The following AP3B1 variants were observed in gnomAD, a reference collection of about 807,000 sequenced individuals.
The protein encoded by AP3B1 is AP-3 complex subunit beta-1.
A neutral mutation model predicts 132.5 loss-of-function variants in AP3B1; 61 were observed. That is an observed-to-expected ratio of 0.46 (90% CI 0.37 to 0.57). The LOEUF (loss-of-function observed/expected upper bound fraction) is 0.57. Among genes scored for constraint, AP3B1 ranks in the 20% least tolerant of loss-of-function variants. The pLI is 0.00. For missense variants in AP3B1, 1,120 were observed against 1,289.4 expected (o/e 0.87, Z 2.01); for synonymous variants, 388 against 438.3 (o/e 0.89, Z 1.43).
At chr5:78,056,183 C>CATG (rs1450381905) in intron 22 of AP3B1, among the ~76,000 whole-genome samples, 1 of 152,162 alleles carries the variant, frequency 6.6e-6, no homozygotes, top group East Asian at 1.9e-4. Flanking sequence ...CAGGAAACTG[C>CATG]ATGGGGTATG....
intron 1 of AP3B1, among the ~76,000 whole-genome samples, chr5:78,294,217 T>C (rs1749654806): frequency 6.6e-6 from 1 of 152,184 alleles, no homozygotes; most frequent in African/African-American, 2.4e-5. Context: ...AGTGGTTTCC[T>C]TTTCACTAAA....
chr5:78,026,916 T>C (rs189827159), intron 24 of AP3B1, among the ~76,000 whole-genome samples: 177 of 152,322 alleles, frequency 1.2e-3, no homozygotes, highest in African/African-American at 3.9e-3. Flanking sequence ...TTGCATTTAT[T>C]TTCTTGTAAA....
chr5:78,035,456 T>G (rs1244911356), intron 23 of AP3B1, among the ~76,000 whole-genome samples: 1 of 152,044 alleles, frequency 6.6e-6, no homozygotes, highest in East Asian at 1.9e-4. Flanking sequence ...GTGACTATTC[T>G]AGGGCTTCTT....
At position 78,248,441 on chromosome 5, in the gene AP3B1, C is replaced by G. The variant is rs542413445; in HGVS notation, c.205-7505G>C. Among the ~76,000 whole-genome samples the G allele has an allele frequency of 2.1e-5, 3 of 141,376 alleles. No individual in the cohort carries two copies. In the East Asian group the frequency reaches 6.4e-4, roughly 30 times the overall value. 92.7% of individuals were successfully genotyped at this position (141,376 alleles called of 152,430 possible). Reference sequence around the variant, plus strand: ...CCAGGAGGCAGAGGTTGCAGTGAGCCGAGATCACACCACTACACTCCAGCC... The same window carrying G: ...CCAGGAGGCAGAGGTTGCAGTGAGCGGAGATCACACCACTACACTCCAGCC... On this transcript the variant is annotated intron_variant, in intron 2 of 26. Transcript: ENST00000255194.
At chr5:78,285,872 C>T (rs755618720) in intron 1 of AP3B1, among the ~76,000 whole-genome samples, 4 of 152,170 alleles carry the variant, frequency 2.6e-5, no homozygotes, top group African/African-American at 7.2e-5. Context: ...TACCACCAAT[C>T]GGATCACCTT....
At chr5:78,124,147 A>G (rs1752359660) in intron 17 of AP3B1, among the ~76,000 whole-genome samples, 2 of 152,162 alleles carry the variant, frequency 1.3e-5, no homozygotes, top group South Asian at 4.1e-4. Flanking sequence ...GAAATGAACA[A>G]TGAGAACACA....
At chr5:78,253,131 C>T (rs1428136051) in intron 2 of AP3B1, among the ~76,000 whole-genome samples, 3 of 152,256 alleles carry the variant, frequency 2.0e-5, no homozygotes, top group African/African-American at 7.2e-5. Flanking sequence ...ACCATCTAGG[C>T]AGTACCTCTA....
chr5:78,227,956 T>C (rs181178463), intron 4 of AP3B1, among the ~76,000 whole-genome samples, 188 bp downstream of exon 4: 2 of 152,064 alleles, frequency 1.3e-5, no homozygotes, highest in Non-Finnish European at 2.9e-5. Context: ...CTGTAACATA[T>C]ACAGCAAGGT....
chr5:78,225,987 C>T (rs6864958), intron 5 of AP3B1, among the ~76,000 whole-genome samples: 1 of 151,724 alleles, frequency 6.6e-6, no homozygotes, highest in East Asian at 1.9e-4. Context: ...ATACATACTT[C>T]CCAAAAACAA....
Position 78,128,102 on chromosome 5 carries a change from C to T in AP3B1, c.1896G>A (p.Gly632=). The T allele has an allele frequency of 6.2e-7, 1 of 1,612,972 alleles. No homozygotes were observed. ...LSHTLNIKAT[G]YLELSNWPEV... ...CTGGCCAATTAGATAATTCCAGGTACCCAGTAGCTTTAATGTTGAGAGTAT... is the reference window on the plus strand; with the variant it reads ...CTGGCCAATTAGATAATTCCAGGTATCCAGTAGCTTTAATGTTGAGAGTAT... Residue 632 remains glycine (G), a synonymous_variant, in exon 17 of 27, where the codon GGG becomes GGA. Transcript: ENST00000255194.
intron 2 of AP3B1, among the ~76,000 whole-genome samples, chr5:78,241,364 G>T (rs555104203): frequency 6.6e-6 from 1 of 151,838 alleles, no homozygotes; most frequent in Non-Finnish European, 1.5e-5. Context: ...GCTAATTTTC[G>T]AATTTTTTTG....
At chr5:78,193,752 A>ATATCTATATATATATATATC (rs1744951641) in intron 7 of AP3B1, among the ~76,000 whole-genome samples, 1 of 118,658 alleles carries the variant, frequency 8.4e-6, no homozygotes, top group South Asian at 2.6e-4. Flanking sequence ...TTTTATATAT[A>ATATCTATATATATATATATC]TATATATATA....
At chr5:78,069,792 A>G (rs1470630567) in intron 22 of AP3B1, among the ~76,000 whole-genome samples, 1 of 152,212 alleles carries the variant, frequency 6.6e-6, no homozygotes, top group Non-Finnish European at 1.5e-5. Context: ...CGTATAGCCA[A>G]GACAATCCTA....
intron 22 of AP3B1, among the ~76,000 whole-genome samples, chr5:78,086,609 C>T (rs1580327627): frequency 6.6e-6 from 1 of 152,070 alleles, no homozygotes; most frequent in East Asian, 1.9e-4. Flanking sequence ...GAGGGAGGGA[C>T]AGTAAAAGAT....
chr5:78,258,396 AAAG>A (rs1310536184), intron 2 of AP3B1, among the ~76,000 whole-genome samples: 2 of 152,356 alleles, frequency 1.3e-5, no homozygotes, highest in African/African-American at 2.4e-5. Flanking sequence ...ACGTTACTCA[AAAG>A]AAGACATGCA....
intron 15 of AP3B1, among the ~76,000 whole-genome samples, chr5:78,135,871 A>T (rs1254792844): frequency 6.6e-6 from 1 of 152,180 alleles, no homozygotes; most frequent in Non-Finnish European, 1.5e-5. Context: ...ATACTGCCTT[A>T]ACAGTTCTAG....
At chr5:78,071,271 A>G (rs1749530807) in intron 22 of AP3B1, among the ~76,000 whole-genome samples, 1 of 152,340 alleles carries the variant, frequency 6.6e-6, no homozygotes, top group South Asian at 2.1e-4. Flanking sequence ...ACATGGCTGG[A>G]GCTGGAAGTT....
At chr5:78,176,804 C>T (rs1190666999) in intron 9 of AP3B1, among the ~76,000 whole-genome samples, 2 of 152,110 alleles carry the variant, frequency 1.3e-5, no homozygotes, top group Non-Finnish European at 2.9e-5. Context: ...TAAGAGTATG[C>T]AATCTTTAAA....
intron 21 of AP3B1, among the ~76,000 whole-genome samples, chr5:78,098,143 C>G (rs1315943425): frequency 6.6e-6 from 1 of 150,936 alleles, no homozygotes; most frequent in Non-Finnish European, 1.5e-5. Context: ...ACAAACACTG[C>G]GGAAGGCCGC....
Sources: gnomAD v4.1 joint callset for allele counts (sites outside exome capture counted in the v4.1 genomes callset) on GRCh38, gnomAD v4.1.1 for gene constraint, MANE v1.5 for transcripts, NCBI Gene and HGNC (gene_info 2026-07-23, HGNC 2026-07-21) for gene names.